Variants in UBE3D observed in about 807,000 individuals in gnomAD.
UBE3D encodes the protein E3 ubiquitin-protein ligase E3D.
A neutral mutation model predicts 49.6 loss-of-function variants in UBE3D; 48 were observed. That is an observed-to-expected ratio of 0.97 (90% CI 0.77 to 1.23). The LOEUF (loss-of-function observed/expected upper bound fraction) is 1.23, where lower values mean the gene tolerates loss of function less well. UBE3D is among the 50% of genes most tolerant of loss of function. The pLI is 0.00. For missense variants in UBE3D, 452 were observed against 468.4 expected, an observed-to-expected ratio of 0.96 and a Z score of 0.32; for synonymous variants, 189 against 174.2, an observed-to-expected ratio of 1.08 and a Z score of -0.67.
rs376822108 is a variant in UBE3D at position 83,044,609 on chromosome 6, A to G, written c.416T>C (p.Val139Ala). The G allele has an allele frequency of 6.2e-7, 1 of 1,613,988 alleles. No individual in the cohort carries two copies. The highest frequency in any genetic ancestry group is 1.3e-5 in the African/African-American group (1 of 74,896). ...PLPSENWGALVGEWCCHPDPF... is the reference protein window; with the variant it reads ...PLPSENWGALAGEWCCHPDPF... ...GTCAGGATGACAACACCATTCTCCA[A>G]CTAGAGCTCCCCAGTTCTCACTCGG... The change falls in exon 4 of 10, where the codon GTT (valine) becomes GCT (alanine). Residue 139 changes from valine to alanine, a missense_variant. Coordinates refer to ENST00000369747, the MANE Select transcript of UBE3D (RefSeq NM_198920.3).
chr6:82,969,221 A>AAGGGTG (rs1158503221), intron 8 of UBE3D, among the ~76,000 whole-genome samples: 4 of 37,000 alleles, frequency 1.1e-4, no homozygotes, highest in Non-Finnish European at 2.1e-4. Context: ...TACACAGGGC[A>AAGGGTG]GGGGTGGGGG....
intron 8 of UBE3D, among the ~76,000 whole-genome samples, chr6:82,978,130 A>G (rs1179633567): frequency 1.2e-5 from 1 of 85,936 alleles, no homozygotes; most frequent in Admixed American, 1.4e-4. Context: ...AGGTGCTCCC[A>G]GATCTTGTAC....
At chr6:82,995,252 G>A (rs564347704) in intron 8 of UBE3D, among the ~76,000 whole-genome samples, 2 of 152,242 alleles carry the variant, frequency 1.3e-5, no homozygotes, top group South Asian at 2.1e-4. Flanking sequence ...CTTAACAGGT[G>A]TGTTCATTTG....
At chr6:83,028,912 C>T (rs1781670370) in intron 5 of UBE3D, among the ~76,000 whole-genome samples, 1 of 152,022 alleles carries the variant, frequency 6.6e-6, no homozygotes, top group Non-Finnish European at 1.5e-5. Context: ...CATCTTTTTC[C>T]CCCCAGCACT....
At chr6:83,058,184 C>A (rs1021618142) in intron 1 of UBE3D, among the ~76,000 whole-genome samples, 162 bp from the exon 2 acceptor site, 3 of 152,162 alleles carry the variant, frequency 2.0e-5, no homozygotes, top group African/African-American at 7.2e-5. Context: ...AGGAAAGCAA[C>A]CTACACTAGA....
In UBE3D at chr6:83,065,626, G is replaced by T. The variant is rs1483275883; in HGVS notation, c.77+16C>A. 6.2e-7 allele frequency: 1 copy of T among 1,613,370 alleles called. No homozygotes were observed. The highest frequency in any genetic ancestry group is 1.3e-5 in the African/African-American group (1 of 74,924). On this transcript the variant is annotated intron_variant, in intron 1 of 9. Transcript: ENST00000369747. ...TAAAGCGAGCTGGGCACTGCGCCTAGAATCCCAGTTCTTACCCCAGGATCA... is the reference window on the plus strand; with the variant it reads ...TAAAGCGAGCTGGGCACTGCGCCTATAATCCCAGTTCTTACCCCAGGATCA...
At chr6:82,988,215 C>G (rs1032945257) in intron 8 of UBE3D, among the ~76,000 whole-genome samples, 2 of 152,100 alleles carry the variant, frequency 1.3e-5, no homozygotes, top group Non-Finnish European at 2.9e-5. Context: ...AGAGAACGAA[C>G]TTAGAGGAAG....
chr6:82,993,008 T>TA (rs1346658043), intron 8 of UBE3D, among the ~76,000 whole-genome samples: 9 of 152,100 alleles, frequency 5.9e-5, no homozygotes, highest in Non-Finnish European at 1.3e-4. Flanking sequence ...AATGCGGACC[T>TA]ACCACCTAAC....
chr6:82,925,569 C>T (rs1223293985), intron 9 of UBE3D, among the ~76,000 whole-genome samples: 1 of 152,094 alleles, frequency 6.6e-6, no homozygotes, highest in Non-Finnish European at 1.5e-5. Context: ...AAGTATCTGT[C>T]TTTCTGAGGA....
At chr6:82,937,201 C>T (rs1207084811) in intron 9 of UBE3D, among the ~76,000 whole-genome samples, 3 of 152,186 alleles carry the variant, frequency 2.0e-5, no homozygotes, top group Non-Finnish European at 4.4e-5. Context: ...AATGATTACT[C>T]ACTACCAGGA....
chr6:82,942,282 T>A (rs901132944), intron 9 of UBE3D, among the ~76,000 whole-genome samples: 1 of 152,136 alleles, frequency 6.6e-6, no homozygotes, highest in South Asian at 2.1e-4. Context: ...CTTTGAGAGA[T>A]ATGTTCTGAA....
At chr6:82,938,152 A>C (rs1356992748) in intron 9 of UBE3D, 1 of 152,244 alleles carries the variant, frequency 6.6e-6, no homozygotes, top group East Asian at 1.9e-4. Context: ...AGCTGGGAAC[A>C]GACAAAAATG....
chr6:83,059,213 C>G (rs1313647484), intron 1 of UBE3D, among the ~76,000 whole-genome samples: 1 of 151,884 alleles, frequency 6.6e-6, no homozygotes, highest in Non-Finnish European at 1.5e-5. Context: ...AAGGCTCTGG[C>G]TCTACAAAAA....
At chr6:83,062,489 C>A (rs1784233259) in intron 1 of UBE3D, among the ~76,000 whole-genome samples, 1 of 152,178 alleles carries the variant, frequency 6.6e-6, no homozygotes. Flanking sequence ...TATGTCTCAA[C>A]ACTGCCACAT....
At chr6:82,962,464 G>C (rs1284811641) in intron 8 of UBE3D, among the ~76,000 whole-genome samples, 1 of 152,098 alleles carries the variant, frequency 6.6e-6, no homozygotes, top group Non-Finnish European at 1.5e-5. Context: ...CCTGTCCAAT[G>C]TATCAAACTA....
intron 9 of UBE3D, among the ~76,000 whole-genome samples, chr6:82,955,977 C>A (rs534544602): frequency 6.6e-6 from 1 of 152,312 alleles, no homozygotes; most frequent in East Asian, 1.9e-4. Context: ...AGACTGTACT[C>A]TATGAGTGCC....
rs368427283 is a variant in UBE3D, at chr6:82,974,330, C to T, written c.1011-16880G>A. Among the ~76,000 whole-genome samples, 317 of 152,190 alleles carry T rather than the reference C, an allele frequency of 2.1e-3. 2 individuals carry two copies. The highest frequency in any genetic ancestry group is 7.2e-3 in the African/African-American group (301 of 41,542). ...GTGTATGTGTGTACAGTGATCCCTA[C>T]GTATCCATAGGGGATTGGTTCCAGG... On this transcript the variant is annotated intron_variant, in intron 8 of 9. Coordinates refer to ENST00000369747, the MANE Select transcript of UBE3D (RefSeq NM_198920.3).
chr6:82,937,158 C>A (rs1562100021), intron 9 of UBE3D, among the ~76,000 whole-genome samples: 1 of 152,094 alleles, frequency 6.6e-6, no homozygotes, highest in Non-Finnish European at 1.5e-5. Context: ...TCCCCCAATA[C>A]CTCTTCTATT....
intron 9 of UBE3D, among the ~76,000 whole-genome samples, chr6:82,932,449 T>C (rs75253067): frequency 0.012 from 1,817 of 152,238 alleles, 32 homozygotes; most frequent in East Asian, 0.086. Context: ...ATCCCTTCCT[T>C]ATACTCCATG....
Sources: gnomAD v4.1 joint callset for allele counts (sites outside exome capture counted in the v4.1 genomes callset) on GRCh38, gnomAD v4.1.1 for gene constraint, MANE v1.5 for transcripts, NCBI Gene and HGNC (gene_info 2026-07-23, HGNC 2026-07-21) for gene names.